The following RIT2 variants were observed in gnomAD, a reference collection of about 807,000 sequenced individuals.
RIT2 encodes GTP-binding protein Rit2.
A neutral mutation model predicts 23.7 loss-of-function variants in RIT2; 24 were observed. The observed-to-expected ratio is 1.01, with a 90% confidence interval of 0.73 to 1.43. The LOEUF (loss-of-function observed/expected upper bound fraction) is 1.43. Ranked by LOEUF, RIT2 falls within the 40% of genes most tolerant of loss-of-function variation. The pLI is 0.00. For synonymous variants in RIT2, 107 were observed against 91.1 expected (o/e 1.17, Z -0.99); for missense variants, 236 against 266.9 (o/e 0.88, Z 0.81).
intron 3 of RIT2, among the ~76,000 whole-genome samples, chr18:42,963,403 A>C (rs369444552): frequency 1.1e-4 from 16 of 152,234 alleles, no homozygotes; most frequent in Admixed American, 7.2e-4. Context: ...GACAATATTT[A>C]GAAGAAAATA....
At chr18:42,846,555 C>A (rs1906914611) in intron 4 of RIT2, among the ~76,000 whole-genome samples, 1 of 151,814 alleles carries the variant, frequency 6.6e-6, no homozygotes, top group Non-Finnish European at 1.5e-5. Flanking sequence ...AAAATACTGG[C>A]AAACCAAATC....
At chr18:43,093,012 TA>T (rs1269136716) in intron 1 of RIT2, among the ~76,000 whole-genome samples, 3 of 152,082 alleles carry the variant, frequency 2.0e-5, no homozygotes, top group Non-Finnish European at 2.9e-5. Flanking sequence ...TTATAATTTC[TA>T]CACAATAGCT....
At chr18:42,948,662 T>A (rs1257769272) in intron 3 of RIT2, among the ~76,000 whole-genome samples, 1 of 152,108 alleles carries the variant, frequency 6.6e-6, no homozygotes, top group Admixed American at 6.6e-5. Flanking sequence ...TGTTAATACA[T>A]CCTTATCCTC....
intron 2 of RIT2, among the ~76,000 whole-genome samples, chr18:42,974,645 A>T (rs1252069233): frequency 1.3e-5 from 2 of 152,062 alleles, no homozygotes; most frequent in Non-Finnish European, 2.9e-5. Flanking sequence ...CTGTTCACAG[A>T]CAACATGATC....
intron 4 of RIT2, among the ~76,000 whole-genome samples, chr18:42,868,356 A>G (rs1907528777): frequency 1.3e-5 from 2 of 152,138 alleles, no homozygotes; most frequent in Admixed American, 1.3e-4. Flanking sequence ...AATAGCTCAT[A>G]TTATGTTGGT....
At chr18:43,060,328 G>C (rs978870013) in intron 1 of RIT2, among the ~76,000 whole-genome samples, 3 of 152,120 alleles carry the variant, frequency 2.0e-5, no homozygotes, top group African/African-American at 7.2e-5. Context: ...TGTTATGATT[G>C]AGTAATAAAA....
chr18:42,952,398 A>G (rs1401491282), intron 3 of RIT2, among the ~76,000 whole-genome samples: 4 of 152,136 alleles, frequency 2.6e-5, no homozygotes, highest in African/African-American at 2.4e-5. Context: ...AATGGAGATT[A>G]TTAGTCAAAA....
intron 2 of RIT2, among the ~76,000 whole-genome samples, chr18:42,984,178 G>A (rs1018510779): frequency 6.6e-6 from 1 of 151,992 alleles, no homozygotes; most frequent in African/African-American, 2.4e-5. Context: ...ATCAATGAAT[G>A]GTTACACAAA....
chr18:43,024,096 C>T lies in RIT2; in HGVS notation c.160+9715G>A, dbSNP rs57570200. 1.6e-3 allele frequency among the ~76,000 whole-genome samples: 239 copies of T among 152,078 alleles called. 1 individual carries two copies. Among genetic ancestry groups the T allele is most frequent in the African/African-American group, 5.4e-3 (224 of 41,514 alleles). On this transcript the variant is annotated intron_variant, in intron 2 of 4. Coordinates refer to ENST00000326695, the MANE Select transcript of RIT2 (RefSeq NM_002930.4). ...TATGTCATTCATATGCTTTTATAGG[C>T]CGTTGTCAGTTACCTTTTACTCTGG...
At chr18:43,113,882 G>GT (rs5824471) in intron 1 of RIT2, among the ~76,000 whole-genome samples, 3,951 of 151,842 alleles carry the variant, frequency 0.026, 130 homozygotes, top group African/African-American at 0.08. Context: ...TCTTTTGCCT[G>GT]TTTTTTTTAA....
rs372315909 is a variant in RIT2, at chr18:42,923,562, C to T, written c.426+10G>A. ...AAAGACAGAAGCTACCAGATAAAAT[C>T]GGCACTCACCTGGCGGAACTGTTCC... is the stretch of plus-strand genomic sequence containing the variant. On this transcript the variant is annotated intron_variant, in intron 4 of 4. Transcript: ENST00000326695. The T allele has an allele frequency of 1.8e-4, 295 of 1,609,560 alleles. No individual in the cohort carries two copies. The highest frequency in any genetic ancestry group is 2.2e-4 in the Non-Finnish European group (254 of 1,177,116).
In RIT2 at chr18:42,837,158, T is replaced by C. The variant is rs868826788; in HGVS notation, c.426+86414A>G. 4.0e-3 allele frequency among the ~76,000 whole-genome samples: 280 copies of C among 70,266 alleles called. 2 individuals are homozygous for C. Among genetic ancestry groups the C allele is most frequent in the Middle Eastern group, 9.3e-3 (1 of 108 alleles). The allele number at this position is 70,266 out of a possible 152,430, so 46.1% of individuals were successfully genotyped here. A position where few individuals can be genotyped will look rare whatever the true frequency, so the allele number is the denominator to read the frequency against. ...ATTTCTTTTTTTTTCTTTTTCTTTT[T>C]TTTTTTTTTTTTTTTTTTTTTTTTT... On this transcript the variant is annotated intron_variant, in intron 4 of 4. Coordinates refer to ENST00000326695, the MANE Select transcript of RIT2 (RefSeq NM_002930.4).
intron 2 of RIT2, among the ~76,000 whole-genome samples, chr18:43,013,246 A>G (rs542058877): frequency 1.1e-4 from 16 of 152,034 alleles, no homozygotes; most frequent in African/African-American, 3.9e-4. Flanking sequence ...AAAAATTGTT[A>G]TAGTACTTTA....
chr18:42,767,414 CT>C (rs890205460), intron 4 of RIT2, among the ~76,000 whole-genome samples: 7 of 152,158 alleles, frequency 4.6e-5, no homozygotes, highest in Non-Finnish European at 7.4e-5. Context: ...CTGGTAACCA[CT>C]TTGTTTTGGC....
chr18:42,782,278 A>G (rs554715939), intron 4 of RIT2, among the ~76,000 whole-genome samples: 1 of 152,286 alleles, frequency 6.6e-6, no homozygotes, highest in East Asian at 1.9e-4. Flanking sequence ...TTTTGAGTAA[A>G]GTATTTATTG....
chr18:43,035,476 T>C (rs1911952613), intron 1 of RIT2, among the ~76,000 whole-genome samples: 1 of 152,132 alleles, frequency 6.6e-6, no homozygotes, highest in Non-Finnish European at 1.5e-5. Context: ...CTGAAGTTAG[T>C]TCCTGAACTT....
Position 43,085,065 on chromosome 18 carries a change from C to T in RIT2, c.103+30352G>A, listed in dbSNP as rs773083320. ...AGGAAAGAGTAGAATGAGAAGGAAG[C>T]GGGAGGCTTTTTTGAGGAAATGCTG... On this transcript the variant is annotated intron_variant, in intron 1 of 4. Transcript: ENST00000326695. Among the ~76,000 whole-genome samples the T allele has an allele frequency of 3.3e-5, 5 of 151,438 alleles. No individual in the cohort carries two copies. The East Asian group carries it at 7.8e-4, about 24-fold the overall frequency.
At chr18:42,840,424 G>A (rs1906731878) in intron 4 of RIT2, among the ~76,000 whole-genome samples, 1 of 152,162 alleles carries the variant, frequency 6.6e-6, no homozygotes, top group South Asian at 2.1e-4. Context: ...AATACTTACT[G>A]TATGCCAAGA....
chr18:42,788,196 T>A (rs1001669446), intron 4 of RIT2, among the ~76,000 whole-genome samples: 1 of 152,160 alleles, frequency 6.6e-6, no homozygotes, highest in Non-Finnish European at 1.5e-5. Context: ...ACAAAACAGC[T>A]AGATTCTTAT....
Sources: gnomAD v4.1 joint callset for allele counts (sites outside exome capture counted in the v4.1 genomes callset) on GRCh38, gnomAD v4.1.1 for gene constraint, MANE v1.5 for transcripts, NCBI Gene and HGNC (gene_info 2026-07-23, HGNC 2026-07-21) for gene names.